The following PAPLN variants were observed in gnomAD, a reference collection of about 807,000 sequenced individuals.
The protein encoded by PAPLN is papilin, proteoglycan like sulfated glycoprotein.
A neutral mutation model predicts 159.0 loss-of-function variants in PAPLN; 146 were observed. That is an observed-to-expected ratio of 0.92 (90% CI 0.80 to 1.05). The LOEUF is 1.05. PAPLN is among the 50% of genes least tolerant of loss of function. PAPLN has a pLI of 0.00. For synonymous variants in PAPLN, 734 were observed against 702.9 expected, an observed-to-expected ratio of 1.04 and a Z score of -0.70; for missense variants, 1,720 against 1,743.9, an observed-to-expected ratio of 0.99 and a Z score of 0.24.
intron 19 of PAPLN, 90 bp downstream of exon 19, chr14:73,262,917 T>C: frequency 8.8e-7 from 1 of 1,133,968 alleles, no homozygotes; most frequent in Non-Finnish European, 1.2e-6. Flanking sequence ...CAGCCGGCCC[T>C]CCCTCCCCAT....
In PAPLN at chr14:73,263,771, C is replaced by T. The variant is rs1356303820; in HGVS notation, c.2850C>T (p.Ile950=). The T allele has an allele frequency of 4.4e-6, 7 of 1,603,600 alleles. No homozygotes were observed. The highest frequency in any genetic ancestry group is 1.1e-5 in the South Asian group (1 of 90,998). ...QAAWQKDGQP[I]SSDRHRLQFD... The stretch of plus-strand genomic sequence containing the variant: ...CCTGGCAGAAAGATGGCCAGCCCAT[C>T]TCCTCTGACAGGTGGGTGAGAGTCC... Residue 950 remains isoleucine (I), a synonymous_variant, in exon 20 of 27, where the codon ATC becomes ATT. Coordinates refer to ENST00000644200, the MANE Select transcript of PAPLN (RefSeq NM_001365906.3).
chr14:73,257,844 A>G (rs920555957), intron 14 of PAPLN, among the ~76,000 whole-genome samples: 2 of 142,988 alleles, frequency 1.4e-5, no homozygotes, highest in African/African-American at 2.6e-5. Context: ...GCTCACTGCA[A>G]CCTCTGCCTC....
At chr14:73,254,254 A>G (rs1387727712) in intron 12 of PAPLN, among the ~76,000 whole-genome samples, 1 of 152,178 alleles carries the variant, frequency 6.6e-6, no homozygotes, top group East Asian at 1.9e-4. Context: ...GCTGCCAGTC[A>G]TTGCTTCTAG....
At chr14:73,260,140 G>A (rs983035414) in intron 16 of PAPLN, among the ~76,000 whole-genome samples, 3 of 152,192 alleles carry the variant, frequency 2.0e-5, no homozygotes, top group Admixed American at 6.5e-5. Flanking sequence ...CTTGGGCCAC[G>A]TGACTTAACC....
In PAPLN at chr14:73,274,402, T is replaced by G. The variant is rs769537336; in HGVS notation, c.*1738T>G. On this transcript the variant is annotated 3_prime_UTR_variant, in exon 27 of 27. Coordinates refer to ENST00000644200, the MANE Select transcript of PAPLN (RefSeq NM_001365906.3). ...ACGGGCATTACAGGGACCAAAGCTC[T>G]GAAAGGTGACTTTTATTACCAACAC... 17 of 152,210 alleles carry G rather than the reference T, an allele frequency of 1.1e-4. No homozygotes were observed. The highest frequency in any genetic ancestry group is 8.8e-5 in the Non-Finnish European group (6 of 68,036). 9.4% of individuals were successfully genotyped at this position (152,210 alleles called of 1,614,324 possible).
chr14:73,244,741 G>A lies in PAPLN; in HGVS notation c.152G>A (p.Arg51His), dbSNP rs757660671. ...GGAGGGGGTGTCAGCTTCCGGGAGC[G>A]CCCCTGCTACTCCCAGAGGTAGGAG... ...TCGGGVSFRE[R>H]PCYSQRRDGG... Residue 51 changes from arginine to histidine, a missense_variant, in exon 3 of 27, where the codon CGC (arginine) becomes CAC (histidine). By Grantham distance (29) the Arg-to-His change is conservative. Transcript: ENST00000644200. The A allele has an allele frequency of 3.9e-5, 61 of 1,572,130 alleles. No individual in the cohort carries two copies. Among genetic ancestry groups the A allele is most frequent in the South Asian group, 4.7e-5 (4 of 85,264 alleles).
At position 73,259,369 on chromosome 14, in the gene PAPLN, G is replaced by A; in HGVS notation, c.1809G>A (p.Leu603=). The change falls in exon 16 of 27, where the codon CTG becomes CTA. Residue 603 remains leucine (L), a synonymous_variant. Coordinates refer to ENST00000644200, the MANE Select transcript of PAPLN (RefSeq NM_001365906.3). ...GDPRGDQGTH[L]SALGPAPSLQ... Reference sequence around the variant, plus strand: ...CCAGGGGCGACCAAGGCACCCACCTGTCAGCCCTGGGCCCCGCTCCCTCTC... The same window carrying A: ...CCAGGGGCGACCAAGGCACCCACCTATCAGCCCTGGGCCCCGCTCCCTCTC... The A allele has an allele frequency of 1.2e-6, 2 of 1,612,300 alleles. No homozygotes were observed. The highest frequency in any genetic ancestry group is 1.1e-5 in the South Asian group (1 of 90,696).
intron 5 of PAPLN, among the ~76,000 whole-genome samples, 154 bp downstream of exon 5, chr14:73,246,329 C>CA (rs1378327164): frequency 2.0e-5 from 3 of 151,352 alleles, no homozygotes; most frequent in Non-Finnish European, 4.4e-5. Flanking sequence ...CTCCTGGGCT[C>CA]AAGGGATCCG....
intron 20 of PAPLN, 92 bp from the exon 21 acceptor site, chr14:73,264,119 G>T: frequency 6.3e-7 from 1 of 1,597,756 alleles, no homozygotes; most frequent in Non-Finnish European, 8.5e-7. Flanking sequence ...GTAGACTCTG[G>T]TCCCCTCTGG....
chr14:73,260,647 C>T lies in PAPLN; in HGVS notation c.1986-62C>T. The T allele has an allele frequency of 8.0e-6, 11 of 1,381,554 alleles. No individual in the cohort carries two copies. The South Asian group carries it at 2.1e-4, about 27-fold the overall frequency. 85.6% of individuals were successfully genotyped at this position (1,381,554 alleles called of 1,614,324 possible). A position where few individuals can be genotyped will look rare whatever the true frequency, so the allele number is the denominator to read the frequency against. On this transcript the variant is annotated intron_variant, in intron 16 of 26. Coordinates refer to ENST00000644200, the MANE Select transcript of PAPLN (RefSeq NM_001365906.3). ...CCATGGGGAGCCTCAGAGCCTGGGT[C>T]CTGGGATGCAGGGAGCGTGGGGGCA...
In PAPLN at chr14:73,253,188, G is replaced by A. The variant is rs748494564; in HGVS notation, c.1094+413G>A. On this transcript the variant is annotated intron_variant, in intron 11 of 26. Coordinates refer to ENST00000644200, the MANE Select transcript of PAPLN (RefSeq NM_001365906.3). ...CCTCTTACCTGCACCGGCCTGGAGC[G>A]TGGCGCCTTGCTGGGGCCCAGCGAG... 15 of 1,361,656 alleles carry A rather than the reference G, an allele frequency of 1.1e-5. No individual in the cohort carries two copies. The East Asian group carries it at 4.5e-4, about 41-fold the overall frequency. The allele number at this position is 1,361,656 out of a possible 1,614,324, so 84.3% of individuals were successfully genotyped here.
chr14:73,251,623 A>C (rs562653416), intron 8 of PAPLN, 41 bp from the exon 9 acceptor site: 1 of 1,613,318 alleles, frequency 6.2e-7, no homozygotes, highest in South Asian at 1.1e-5. Flanking sequence ...GAGGTGCGGC[A>C]CTGCTCCCTC....
intron 1 of PAPLN, 145 bp downstream of exon 1, chr14:73,237,737 G>C (rs1883118115): frequency 6.6e-6 from 1 of 152,256 alleles, no homozygotes; most frequent in African/African-American, 2.4e-5. Context: ...CCCCGCCCCG[G>C]CTCGCTCTCC....
At chr14:73,249,867 G>C in intron 5 of PAPLN, 117 bp from the exon 6 acceptor site, 1 of 1,213,700 alleles carries the variant, frequency 8.2e-7, no homozygotes. Context: ...TGTGCTCTGC[G>C]GGGCCTGCTG....
At chr14:73,270,859 G>A (rs1465169865) in intron 26 of PAPLN, among the ~76,000 whole-genome samples, 6 of 152,100 alleles carry the variant, frequency 3.9e-5, no homozygotes, top group African/African-American at 1.4e-4. Context: ...TTTTTGTTGG[G>A]TCATACGGTG....
At position 73,263,966 on chromosome 14, in the gene PAPLN, CCT is replaced by C. The variant is rs1354137717; in HGVS notation, c.2861+187_2861+188del. 3 of 1,382,320 alleles carry C rather than the reference CCT, an allele frequency of 2.2e-6. No individual in the cohort carries two copies. The African/African-American group carries it at 4.4e-5, about 20-fold the overall frequency. 85.6% of individuals were successfully genotyped at this position (1,382,320 alleles called of 1,614,324 possible). A position where few individuals can be genotyped will look rare whatever the true frequency, so the allele number is the denominator to read the frequency against. On this transcript the variant is annotated intron_variant, in intron 20 of 26. Transcript: ENST00000644200. ...GGTGTGTGTGACGGCCCCCCGACCT[CCT>C]CTGACAGGTGTGTGTGACAGCCCCC... is the stretch of plus-strand genomic sequence containing the variant.
Position 73,266,549 on chromosome 14 carries a change from A to G in PAPLN, c.3312A>G (p.Val1104=), listed in dbSNP as rs754189189. Residue 1104 remains valine (V), a synonymous_variant, in exon 24 of 27, where the codon GTA becomes GTG. Transcript: ENST00000644200. ...CCCTGGTCATTAGCCGAGTGGCTGT[A>G]GAAGATGGCGGCTTCTACACCTGTG... ...DGSLVISRVA[V]EDGGFYTCVA... The G allele has an allele frequency of 3.7e-6, 6 of 1,614,148 alleles. No individual in the cohort carries two copies. The highest frequency in any genetic ancestry group is 5.1e-6 in the Non-Finnish European group (6 of 1,180,014).
intron 7 of PAPLN, 115 bp from the exon 8 acceptor site, chr14:73,251,371 C>T (rs1885233164): frequency 1.7e-6 from 2 of 1,147,744 alleles, no homozygotes; most frequent in African/African-American, 3.1e-5. Flanking sequence ...CCCTGTCTGG[C>T]TCTTGTGTAC....
At chr14:73,270,474 C>G (rs1887621394) in intron 26 of PAPLN, among the ~76,000 whole-genome samples, 1 of 152,342 alleles carries the variant, frequency 6.6e-6, no homozygotes, top group Non-Finnish European at 1.5e-5. Flanking sequence ...AGCCGCGACA[C>G]TCAGATACAT....
Sources: allele counts gnomAD v4.1 joint callset (sites outside exome capture counted in the v4.1 genomes callset), GRCh38; gene constraint gnomAD v4.1.1; transcripts MANE v1.5; gene names NCBI Gene and HGNC (gene_info 2026-07-23, HGNC 2026-07-21).